Variants in PPP3CA observed in about 807,000 individuals in gnomAD.
PPP3CA encodes CAM-PRP catalytic subunit.
In PPP3CA, 14 loss-of-function variants were observed where a neutral mutation model predicts 66.5. That is an observed-to-expected ratio of 0.21 (90% CI 0.14 to 0.33). PPP3CA has a LOEUF of 0.33. Ranked by LOEUF, PPP3CA falls within the 10% of genes least tolerant of loss-of-function variation. The pLI is 1.00. For synonymous variants in PPP3CA, 232 were observed against 226.2 expected, an observed-to-expected ratio of 1.03 and a Z score of -0.23; for missense variants, 317 against 639.5, an observed-to-expected ratio of 0.50 and a Z score of 5.44.
intron 1 of PPP3CA, among the ~76,000 whole-genome samples, chr4:101,336,058 C>T (rs927915696): frequency 2.0e-5 from 3 of 151,418 alleles, no homozygotes; most frequent in Non-Finnish European, 4.4e-5. Context: ...TACACACACA[C>T]ACAAAAATTA....
chr4:101,092,075 G>C (rs1304257563), intron 6 of PPP3CA, among the ~76,000 whole-genome samples: 1 of 152,036 alleles, frequency 6.6e-6, no homozygotes, highest in Non-Finnish European at 1.5e-5. Context: ...GGAAGACAGT[G>C]AGGTCATGCA....
At chr4:101,165,975 T>C (rs549834955) in intron 2 of PPP3CA, among the ~76,000 whole-genome samples, 15 of 152,286 alleles carry the variant, frequency 9.8e-5, no homozygotes, top group African/African-American at 3.4e-4. Flanking sequence ...ATCAGTTAAG[T>C]AAAAATTTAA....
chr4:101,096,949 G>GA (rs1040630890), intron 5 of PPP3CA, among the ~76,000 whole-genome samples: 8 of 152,054 alleles, frequency 5.3e-5, no homozygotes, highest in African/African-American at 1.9e-4. Flanking sequence ...AGAAGAAATG[G>GA]AAAAAAACAA....
intron 8 of PPP3CA, among the ~76,000 whole-genome samples, chr4:101,074,170 T>C (rs1729044442): frequency 6.6e-6 from 1 of 152,200 alleles, no homozygotes; most frequent in African/African-American, 2.4e-5. Context: ...AAATGGATCT[T>C]TGCTGTAAAA....
At chr4:101,293,422 C>A (rs1728095009) in intron 1 of PPP3CA, among the ~76,000 whole-genome samples, 1 of 152,208 alleles carries the variant, frequency 6.6e-6, no homozygotes, top group South Asian at 2.1e-4. Flanking sequence ...CCAGCCCAGC[C>A]ATGGCTGTGT....
chr4:101,037,374 C>T (rs116790211), intron 11 of PPP3CA, among the ~76,000 whole-genome samples: 132 of 152,328 alleles, frequency 8.7e-4, no homozygotes, highest in Non-Finnish European at 1.6e-3. Flanking sequence ...TGCTGAAAGA[C>T]AGTTTTCTGG....
intron 2 of PPP3CA, among the ~76,000 whole-genome samples, chr4:101,141,167 C>T (rs569421646): frequency 6.0e-4 from 92 of 152,090 alleles, no homozygotes; most frequent in South Asian, 3.5e-3. Context: ...GTCAGGAGTT[C>T]GAGATCAGCC....
intron 1 of PPP3CA, among the ~76,000 whole-genome samples, chr4:101,220,180 T>C (rs1318955089): frequency 6.6e-6 from 1 of 151,798 alleles, no homozygotes; most frequent in Non-Finnish European, 1.5e-5. Context: ...TTTAGTGGCC[T>C]ACTTTTTATA....
chr4:101,126,786 CA>C (rs1218936880), intron 2 of PPP3CA, among the ~76,000 whole-genome samples: 6 of 152,262 alleles, frequency 3.9e-5, no homozygotes, highest in Non-Finnish European at 5.9e-5. Context: ...CAGAAGATCT[CA>C]AAAACACCTT....
rs149521785 is a variant in PPP3CA, at chr4:101,123,976, C to T, written c.260-14898G>A. Among the ~76,000 whole-genome samples the T allele has an allele frequency of 6.3e-3, 958 of 152,238 alleles. 9 individuals are homozygous for T. The highest frequency in any genetic ancestry group is 0.022 in the African/African-American group (927 of 41,530). ...GAATAACTGGTACAGGTTAATACTT[C>T]GGCAGAAGGTAAGCTCCCTATTCCT... On this transcript the variant is annotated intron_variant, in intron 2 of 13. Transcript: ENST00000394854.
chr4:101,119,913 T>C (rs571847456), intron 2 of PPP3CA, among the ~76,000 whole-genome samples: 2 of 152,204 alleles, frequency 1.3e-5, no homozygotes, highest in South Asian at 4.1e-4. Flanking sequence ...CACTATCACT[T>C]CCCTCAGTAA....
chr4:101,131,054 T>C (rs573649847), intron 2 of PPP3CA, among the ~76,000 whole-genome samples: 86 of 152,058 alleles, frequency 5.7e-4, no homozygotes, highest in African/African-American at 2.0e-3. Flanking sequence ...CTGGCCAACC[T>C]GGTGAAACCC....
chr4:101,326,163 A>G (rs879417558), intron 1 of PPP3CA, among the ~76,000 whole-genome samples: 1 of 152,162 alleles, frequency 6.6e-6, no homozygotes, highest in Admixed American at 6.5e-5. Flanking sequence ...AATAAAGGAA[A>G]TGTAATAAAA....
intron 1 of PPP3CA, among the ~76,000 whole-genome samples, chr4:101,224,801 G>T (rs1725730627): frequency 6.6e-6 from 1 of 151,782 alleles, no homozygotes; most frequent in Non-Finnish European, 1.5e-5. Context: ...GGTTTCCAAA[G>T]ACATCTTCAG....
At chr4:101,293,883 T>C (rs1278280481) in intron 1 of PPP3CA, among the ~76,000 whole-genome samples, 2 of 152,096 alleles carry the variant, frequency 1.3e-5, no homozygotes, top group Non-Finnish European at 2.9e-5. Context: ...TCTCTTTTGC[T>C]CCATGAGGGC....
At chr4:101,246,914 C>T (rs1038151993) in intron 1 of PPP3CA, among the ~76,000 whole-genome samples, 3 of 152,238 alleles carry the variant, frequency 2.0e-5, no homozygotes, top group East Asian at 3.9e-4. Flanking sequence ...TATAACCCTT[C>T]GTCTTCTAGC....
intron 2 of PPP3CA, among the ~76,000 whole-genome samples, chr4:101,155,424 T>C (rs528095913): frequency 1.3e-5 from 2 of 152,316 alleles, no homozygotes; most frequent in South Asian, 2.1e-4. Flanking sequence ...AGGCCTTGGA[T>C]TGGCTTCAAG....
At chr4:101,182,773 G>A (rs191327345) in intron 2 of PPP3CA, among the ~76,000 whole-genome samples, 4 of 152,228 alleles carry the variant, frequency 2.6e-5, no homozygotes, top group African/African-American at 9.6e-5. Context: ...GACCAGGTGG[G>A]AGATAATTGA....
At chr4:101,342,230 T>C (rs11945941) in intron 1 of PPP3CA, among the ~76,000 whole-genome samples, 2,131 of 152,256 alleles carry the variant, frequency 0.014, 39 homozygotes, top group African/African-American at 0.04. Flanking sequence ...AGATAAACTG[T>C]CCATTTAAAA....
Sources: allele counts gnomAD v4.1 joint callset (sites outside exome capture counted in the v4.1 genomes callset), GRCh38; gene constraint gnomAD v4.1.1; transcripts MANE v1.5; gene names NCBI Gene and HGNC (gene_info 2026-07-23, HGNC 2026-07-21).